F8: variants seen among roughly 807,000 people sequenced by gnomAD.
The protein encoded by F8 is coagulation factor VIII, also known as antihemophilic factor.
A neutral mutation model predicts 140.6 loss-of-function variants in F8; 12 were observed. The ratio of observed to expected loss-of-function variants is 0.09; its 90% CI spans 0.05 to 0.14. F8 has a LOEUF of 0.14. Ranked by LOEUF, F8 falls within the 10% of genes least tolerant of loss-of-function variation. The pLI is 1.00. For synonymous variants in F8, 585 were observed against 614.6 expected, an observed-to-expected ratio of 0.95 and a Z score of 0.71; for missense variants, 1,354 against 1,720.7, an observed-to-expected ratio of 0.79 and a Z score of 3.77.
chrX:154,850,483 T>C (rs1463831440), intron 25 of F8, among the ~76,000 whole-genome samples: 1 of 60,696 alleles, frequency 1.6e-5, no homozygotes. Flanking sequence ...CTCCTTCTCT[T>C]TATTTTTTTT....
intron 25 of F8, among the ~76,000 whole-genome samples, chrX:154,848,262 G>A (rs1441520221): frequency 3.6e-5 from 4 of 112,642 alleles, no homozygotes; most frequent in South Asian, 3.6e-4. Flanking sequence ...CAGTCTGTCC[G>A]TTCTCAGATC....
At chrX:154,842,904 G>A (rs1020503943) in intron 25 of F8, among the ~76,000 whole-genome samples, 2 of 111,137 alleles carry the variant, frequency 1.8e-5, no homozygotes, top group African/African-American at 6.6e-5. Flanking sequence ...CCATTAACTC[G>A]TCATTTACAT....
chrX:154,941,529 A>G (rs1276671845), intron 13 of F8, among the ~76,000 whole-genome samples: 1 of 111,372 alleles, frequency 9.0e-6, no homozygotes, highest in African/African-American at 3.3e-5. Flanking sequence ...GTCCTGAGTG[A>G]CCTACAAAGA....
At chrX:155,005,160 C>T (rs1455651436) in intron 1 of F8, among the ~76,000 whole-genome samples, 2 of 111,324 alleles carry the variant, frequency 1.8e-5, no homozygotes, top group Non-Finnish European at 3.8e-5. Flanking sequence ...TGGTTGCCAT[C>T]ATATTACTTC....
At chrX:154,989,699 G>A (rs189670732) in intron 4 of F8, among the ~76,000 whole-genome samples, 8 of 112,090 alleles carry the variant, frequency 7.1e-5, no homozygotes, top group African/African-American at 2.3e-4. Flanking sequence ...ACTATAGAGT[G>A]GGAGAAAATA....
At chrX:154,921,025 T>C (rs140721672) in intron 14 of F8, among the ~76,000 whole-genome samples, 471 of 112,097 alleles carry the variant, frequency 4.2e-3, no homozygotes, top group African/African-American at 0.015. Flanking sequence ...CTAGCATTTC[T>C]TATAAAGCAG....
Position 154,931,495 on chromosome X carries a change from T to C in F8, c.2295A>G (p.Ser765=), listed in dbSNP as rs1311607398. The C allele has an allele frequency of 1.7e-6, 2 of 1,212,034 alleles. No homozygotes were observed. The highest frequency in any genetic ancestry group is 5.9e-5 in the East Asian group (2 of 33,877). The stretch of plus-strand genomic sequence containing the variant: ...GCTTTTGCCTAGTGCTAGGGTGTCT[T>C]GAATTCTGGGAGAAGCTTCTTGGTT... ...AIEPRSFSQN[S]RHPSTRQKQF... Residue 765 remains serine, a synonymous_variant, in exon 14 of 26, where the codon TCA becomes TCG. Coordinates refer to ENST00000360256, the MANE Select transcript of F8 (RefSeq NM_000132.4).
intron 22 of F8, among the ~76,000 whole-genome samples, chrX:154,867,345 A>T (rs2072738685): frequency 9.0e-6 from 1 of 111,332 alleles, no homozygotes; most frequent in African/African-American, 3.3e-5. Flanking sequence ...TTATTAGCCA[A>T]CATCACCCTG....
intron 14 of F8, among the ~76,000 whole-genome samples, chrX:154,923,220 T>A (rs1410272251): frequency 8.9e-6 from 1 of 111,874 alleles, no homozygotes; most frequent in Non-Finnish European, 1.9e-5. Context: ...TATAGCCAAA[T>A]AACATTCAAA....
chrX:154,891,545 G>T (rs2072943979), intron 22 of F8, among the ~76,000 whole-genome samples: 1 of 112,608 alleles, frequency 8.9e-6, no homozygotes, highest in African/African-American at 3.2e-5. Context: ...GACAGGCATT[G>T]TGCTTGTGGG....
chrX:154,920,394 A>G (rs1485509078), intron 14 of F8, among the ~76,000 whole-genome samples: 4 of 110,929 alleles, frequency 3.6e-5, no homozygotes, highest in African/African-American at 1.3e-4. Context: ...TTTTAAACTG[A>G]TAACAACTTA....
intron 3 of F8, among the ~76,000 whole-genome samples, chrX:154,994,293 C>T (rs1042531921): frequency 8.9e-6 from 1 of 111,968 alleles, no homozygotes; most frequent in South Asian, 3.7e-4. Flanking sequence ...TAGTCCACTC[C>T]TATATACTTT....
intron 3 of F8, among the ~76,000 whole-genome samples, chrX:154,996,251 G>A (rs1557285082): frequency 9.0e-6 from 1 of 111,316 alleles, no homozygotes. Context: ...TAGGATCAGT[G>A]GTATAGAAGG....
At chrX:154,994,389 C>A (rs1054366127) in intron 3 of F8, among the ~76,000 whole-genome samples, 1 of 112,120 alleles carries the variant, frequency 8.9e-6, no homozygotes. Flanking sequence ...AATATCAATG[C>A]AATATTCAAA....
At chrX:154,888,408 C>CTTTTTTTTTTTT (rs1557274896) in intron 22 of F8, among the ~76,000 whole-genome samples, 7,099 of 48,267 alleles carry the variant, frequency 0.15, 69 homozygotes, top group Non-Finnish European at 0.19. Context: ...TTTTTTTTTC[C>CTTTTTTTTTTTT]CCCCGAGATG....
intron 1 of F8, among the ~76,000 whole-genome samples, chrX:155,002,352 A>G (rs2073650904): frequency 1.8e-5 from 2 of 112,333 alleles, no homozygotes; most frequent in South Asian, 7.5e-4. Flanking sequence ...GATACATGGC[A>G]AAACAGTATT....
chrX:155,005,715 G>T (rs1424088131), intron 1 of F8, among the ~76,000 whole-genome samples: 1 of 112,108 alleles, frequency 8.9e-6, no homozygotes, highest in Non-Finnish European at 1.9e-5. Context: ...TTCCTAAGCT[G>T]CTGGGTGTGC....
chrX:154,872,307 C>T (rs2072779717), intron 22 of F8, among the ~76,000 whole-genome samples: 1 of 111,816 alleles, frequency 8.9e-6, no homozygotes, highest in African/African-American at 3.3e-5. Context: ...CCCAAATGTC[C>T]ATCAATGATA....
intron 14 of F8, among the ~76,000 whole-genome samples, chrX:154,913,060 C>T (rs28698205): frequency 0.1 from 11,037 of 110,329 alleles, 550 homozygotes; most frequent in South Asian, 0.35. Flanking sequence ...GCCCACAATT[C>T]CATAATTTTA....
Sources: gnomAD v4.1 joint callset for allele counts (sites outside exome capture counted in the v4.1 genomes callset) on GRCh38, gnomAD v4.1.1 for gene constraint, MANE v1.5 for transcripts, NCBI Gene and HGNC (gene_info 2026-07-23, HGNC 2026-07-21) for gene names.